Variants in LUZP2 observed in about 807,000 individuals in gnomAD.
The protein encoded by LUZP2 is leucine zipper protein 2.
LUZP2 carries 52 observed loss-of-function variants against 51.6 expected under a neutral mutation model. That is an observed-to-expected ratio of 1.01 (90% CI 0.81 to 1.27). The LOEUF is 1.27. Among genes scored for constraint, LUZP2 ranks in the 50% most tolerant of loss-of-function variants. LUZP2 has a pLI of 0.00. For missense variants in LUZP2, 436 were observed against 395.4 expected (o/e 1.10, Z -0.87); for synonymous variants, 154 against 137.3 (o/e 1.12, Z -0.85).
intron 9 of LUZP2, among the ~76,000 whole-genome samples, chr11:25,012,958 A>G (rs778385966): frequency 2.0e-5 from 3 of 152,216 alleles, no homozygotes; most frequent in South Asian, 2.1e-4. Context: ...TAGCAAATAT[A>G]TGGAATCAAC....
At chr11:24,661,805 A>G (rs1565061503) in intron 1 of LUZP2, among the ~76,000 whole-genome samples, 2 of 152,152 alleles carry the variant, frequency 1.3e-5, no homozygotes, top group South Asian at 4.1e-4. Flanking sequence ...GATTCATTAT[A>G]CTGTTCTGTT....
intron 9 of LUZP2, among the ~76,000 whole-genome samples, chr11:25,005,292 A>T (rs1856803611): frequency 6.6e-6 from 1 of 152,172 alleles, no homozygotes; most frequent in African/African-American, 2.4e-5. Context: ...TCCTCCTGTG[A>T]GATGTAAATT....
Position 24,965,767 on chromosome 11 carries a change from A to C in LUZP2, c.523-10824A>C, listed in dbSNP as rs760221816. On this transcript the variant is annotated intron_variant, in intron 7 of 11. Transcript: ENST00000336930. ...GAATATTAAATGGCTCATTTAAAAA[A>C]TAAATATTAGGAAATAAAATCACAT... Among the ~76,000 whole-genome samples the C allele has an allele frequency of 7.9e-5, 12 of 151,866 alleles. No individual in the cohort carries two copies. In the South Asian group the frequency reaches 1.9e-3, roughly 24 times the overall value.
intron 1 of LUZP2, among the ~76,000 whole-genome samples, chr11:24,661,464 T>C (rs1856019026): frequency 6.6e-6 from 1 of 152,200 alleles, no homozygotes; most frequent in Admixed American, 6.5e-5. Context: ...ATCTGTTCAA[T>C]GGGCTGCAGA....
chr11:25,065,226 C>G (rs951139863), intron 10 of LUZP2, among the ~76,000 whole-genome samples: 7 of 151,938 alleles, frequency 4.6e-5, no homozygotes, highest in South Asian at 2.1e-4. Flanking sequence ...GTACCTAGGT[C>G]CCACAAAGCA....
At chr11:24,659,414 C>G (rs1274040478) in intron 1 of LUZP2, among the ~76,000 whole-genome samples, 1 of 152,036 alleles carries the variant, frequency 6.6e-6, no homozygotes, top group Non-Finnish European at 1.5e-5. Flanking sequence ...ACACCAGGGT[C>G]TGTTGTGGGG....
intron 7 of LUZP2, among the ~76,000 whole-genome samples, chr11:24,927,845 G>C (rs372369005): frequency 6.6e-6 from 1 of 151,790 alleles, no homozygotes; most frequent in African/African-American, 2.4e-5. Context: ...TCATTATCAC[G>C]ATATTGATTC....
intron 5 of LUZP2, among the ~76,000 whole-genome samples, chr11:24,873,017 A>C (rs1414005510): frequency 6.6e-6 from 1 of 152,166 alleles, no homozygotes; most frequent in Non-Finnish European, 1.5e-5. Flanking sequence ...CACTATTAGA[A>C]AAAAATTTTC....
chr11:24,804,826 G>A (rs1849805228), intron 5 of LUZP2, among the ~76,000 whole-genome samples: 1 of 151,936 alleles, frequency 6.6e-6, no homozygotes, highest in Non-Finnish European at 1.5e-5. Context: ...AATCTTATGA[G>A]AAGAACCTTC....
At chr11:24,668,849 C>T (rs941421392) in intron 1 of LUZP2, among the ~76,000 whole-genome samples, 1 of 151,998 alleles carries the variant, frequency 6.6e-6, no homozygotes, top group Admixed American at 6.6e-5. Context: ...GTGGCTTTAC[C>T]CAAGTAAAAT....
At chr11:24,662,430 T>C (rs1276285937) in intron 1 of LUZP2, among the ~76,000 whole-genome samples, 1 of 152,114 alleles carries the variant, frequency 6.6e-6, no homozygotes, top group East Asian at 1.9e-4. Flanking sequence ...AAAGGAATTA[T>C]AATATGATTT....
intron 1 of LUZP2, among the ~76,000 whole-genome samples, chr11:24,599,186 G>C (rs1853542029): frequency 6.6e-6 from 1 of 152,182 alleles, no homozygotes; most frequent in East Asian, 1.9e-4. Context: ...AGGTCTTGAG[G>C]CACTTAGGTT....
intron 5 of LUZP2, chr11:24,891,399 T>TTCATTATATTCATTATA (rs1456223037): frequency 3.1e-6 from 3 of 960,244 alleles, no homozygotes; most frequent in Non-Finnish European, 3.7e-6. Context: ...TACACCCACA[T>TTCATTATATTCATTATA]TCATTATATC....
intron 1 of LUZP2, among the ~76,000 whole-genome samples, chr11:24,595,245 C>T (rs944963697): frequency 2.0e-5 from 3 of 151,284 alleles, no homozygotes; most frequent in Admixed American, 1.3e-4. Context: ...TTACATGGGC[C>T]GAAGCACAGA....
chr11:24,741,774 A>ATT (rs1026375975), intron 4 of LUZP2, among the ~76,000 whole-genome samples: 4 of 145,986 alleles, frequency 2.7e-5, no homozygotes, highest in African/African-American at 1.0e-4. Context: ...GTTGTATTCC[A>ATT]TTATATATAT....
chr11:24,584,590 A>C (rs1463550517), intron 1 of LUZP2, among the ~76,000 whole-genome samples: 1 of 152,142 alleles, frequency 6.6e-6, no homozygotes, highest in Admixed American at 6.5e-5. Flanking sequence ...CCAGTTGTTT[A>C]GATCTCCTAA....
At chr11:24,848,642 G>A (rs1851282360) in intron 5 of LUZP2, among the ~76,000 whole-genome samples, 1 of 151,998 alleles carries the variant, frequency 6.6e-6, no homozygotes, top group South Asian at 2.1e-4. Context: ...CTGCCTTCTT[G>A]GTATCAAGCC....
rs371033240 is a variant in LUZP2 at position 24,755,175 on chromosome 11, A to G, written c.334-8071A>G. On this transcript the variant is annotated intron_variant, in intron 4 of 11. Transcript: ENST00000336930. ...ACAGAAAAAAAAAACACACACACAC[A>G]TTAGTCGCAAATTATTTACTTTCAC... 4.1e-4 allele frequency among the ~76,000 whole-genome samples: 62 copies of G among 152,186 alleles called. No homozygotes were observed. In the South Asian group the frequency reaches 0.013, roughly 32 times the overall value.
chr11:24,671,921 C>G (rs1379132827), intron 1 of LUZP2, among the ~76,000 whole-genome samples: 1 of 151,778 alleles, frequency 6.6e-6, no homozygotes, highest in Admixed American at 6.6e-5. Context: ...TTTTCTTTTT[C>G]TTTTTGCTTG....
Sources: allele counts gnomAD v4.1 joint callset (sites outside exome capture counted in the v4.1 genomes callset), GRCh38; gene constraint gnomAD v4.1.1; transcripts MANE v1.5; gene names NCBI Gene and HGNC (gene_info 2026-07-23, HGNC 2026-07-21).